The following PTPRF variants were observed in gnomAD, a reference collection of about 807,000 sequenced individuals.
The protein encoded by PTPRF is receptor-type tyrosine-protein phosphatase F.
A neutral mutation model predicts 201.8 loss-of-function variants in PTPRF; 59 were observed. The observed-to-expected ratio is 0.29, with a 90% confidence interval of 0.24 to 0.36. The LOEUF is 0.36. PTPRF is among the 10% of genes least tolerant of loss of function. The pLI, the probability that PTPRF is intolerant of heterozygous loss-of-function variation, is 1.00. For synonymous variants in PTPRF, 1,088 were observed against 1,089.7 expected, an observed-to-expected ratio of 1.00 and a Z score of 0.03; for missense variants, 2,132 against 2,690.5, an observed-to-expected ratio of 0.79 and a Z score of 4.59.
At position 43,609,404 on chromosome 1, in the gene PTPRF, C is replaced by T. The variant is rs1216125646; in HGVS notation, c.3879C>T (p.Ser1293=). Residue 1293 remains serine, a synonymous_variant, in exon 22 of 34, where the codon TCC becomes TCT. Transcript: ENST00000359947. ...CTAGGAAAAGGACCCACTCTCCGTC[C>T]TCTAAGGATGAGCAGTCGATCGGAC... The part of the protein sequence containing the change: ...LFKRKRTHSP[S]SKDEQSIGLK... 4 of 1,613,964 alleles carry T rather than the reference C, an allele frequency of 2.5e-6. No homozygotes were observed. The highest frequency in any genetic ancestry group is 3.4e-6 in the Non-Finnish European group (4 of 1,179,982).
intron 22 of PTPRF, chr1:43,613,257 C>G: frequency 3.0e-6 from 1 of 328,476 alleles, no homozygotes; most frequent in South Asian, 2.7e-5. Flanking sequence ...TGTCTGCAGG[C>G]AGATGCGATG....
At chr1:43,621,275 G>A (rs375643576) in intron 33 of PTPRF, 43 bp downstream of exon 33, 11 of 1,604,864 alleles carry the variant, frequency 6.9e-6, no homozygotes, top group East Asian at 4.5e-5. Flanking sequence ...TGGCAGCAGC[G>A]CTGCTGGGAA....
At position 43,569,601 on chromosome 1, in the gene PTPRF, C is replaced by T; in HGVS notation, c.391C>T (p.Pro131Ser). ...KLSVLEEEQL[P>S]PGFPSIDMGP... is the part of the protein sequence containing the mutation. ...CTGTTTGTCTGCAGAGGAACAGCTG[C>T]CCCCTGGGTTCCCTTCCATCGACAT... is the stretch of plus-strand genomic sequence containing the variant. Residue 131 changes from proline to serine, a missense_variant, in exon 6 of 34, where the codon CCC becomes TCC. Physicochemically the swap from Pro to Ser is moderately conservative, Grantham distance 74 (BLOSUM62 -1). This residue lies in a region of PTPRF where 297 missense variants were observed against 454.0 expected (regional missense o/e 0.65). Coordinates refer to ENST00000359947, the MANE Select transcript of PTPRF (RefSeq NM_002840.5). 7 of 1,605,612 alleles carry T rather than the reference C, an allele frequency of 4.4e-6. No individual in the cohort carries two copies. Among genetic ancestry groups the T allele is most frequent in the Non-Finnish European group, 6.0e-6 (7 of 1,174,476 alleles).
intron 5 of PTPRF, among the ~76,000 whole-genome samples, chr1:43,560,277 G>A (rs893450376): frequency 7.3e-5 from 11 of 151,448 alleles, no homozygotes; most frequent in Middle Eastern, 3.4e-3. Flanking sequence ...ATGCGCACAC[G>A]CAACAGGCAC....
chr1:43,597,739 C>A lies in PTPRF; in HGVS notation c.1814-9C>A. The A allele has an allele frequency of 3.5e-6, 4 of 1,141,066 alleles. No individual in the cohort carries two copies. The highest frequency in any genetic ancestry group is 3.7e-6 in the Non-Finnish European group (3 of 806,230). The allele number at this position is 1,141,066 out of a possible 1,614,324, so 70.7% of individuals were successfully genotyped here. ...ATCTGCTTGCTTCCCCCCCATTTGT[C>A]TTCCCCAGCCCCCTCCGCCCCTCCC... On this transcript the variant is annotated splice_polypyrimidine_tract_variant and intron_variant, in intron 11 of 33. Coordinates refer to ENST00000359947, the MANE Select transcript of PTPRF (RefSeq NM_002840.5).
intron 11 of PTPRF, among the ~76,000 whole-genome samples, chr1:43,593,405 A>C (rs1285752083): frequency 6.6e-6 from 1 of 151,780 alleles, no homozygotes; most frequent in African/African-American, 2.4e-5. Flanking sequence ...GTAGCCCCCC[A>C]GACAGTAGAC....
chr1:43,542,089 C>A lies in PTPRF; in HGVS notation c.-45-2942C>A, dbSNP rs1487312266. ...TCTCCCACCTTCTCCCCACAGGTGA[C>A]CCTGGGACCCTGGGACTCTGGGGGC... On this transcript the variant is annotated intron_variant, in intron 2 of 33. Transcript: ENST00000359947. The surrounding 1 kb of genome is among the most constrained non-coding windows in gnomAD (Gnocchi z 5.2). 6.6e-6 allele frequency among the ~76,000 whole-genome samples: 1 copy of A among 152,192 alleles called. No individual in the cohort carries two copies. Among genetic ancestry groups the A allele is most frequent in the Admixed American group, 6.5e-5 (1 of 15,282 alleles).
intron 2 of PTPRF, among the ~76,000 whole-genome samples, chr1:43,538,837 A>G (rs563327714): frequency 1.3e-5 from 2 of 152,284 alleles, no homozygotes; most frequent in South Asian, 4.1e-4. Context: ...GTCTGTTAGA[A>G]GCACAGAATG....
chr1:43,582,360 G>A (rs1647908701), intron 7 of PTPRF: 1 of 152,292 alleles, frequency 6.6e-6, no homozygotes, highest in Admixed American at 6.5e-5. Context: ...GTTGCCTGCA[G>A]CTCCACCCAC....
chr1:43,609,598 C>A, intron 22 of PTPRF, 100 bp downstream of exon 22: 1 of 797,826 alleles, frequency 1.3e-6, no homozygotes, highest in Non-Finnish European at 2.1e-6. Flanking sequence ...TCCTGGGCCG[C>A]ATGCACTTGT....
Position 43,543,696 on chromosome 1 carries a change from A to G in PTPRF, c.-45-1335A>G, listed in dbSNP as rs375546768. On this transcript the variant is annotated intron_variant, in intron 2 of 33. Transcript: ENST00000359947. ...ACTGGAGCACCTTTGAGCCCTGCCCATTCCTGGTCACCTGCCCTGTCACCT... is the reference window on the plus strand; with the variant it reads ...ACTGGAGCACCTTTGAGCCCTGCCCGTTCCTGGTCACCTGCCCTGTCACCT... Among the ~76,000 whole-genome samples, 19 of 152,176 alleles carry G rather than the reference A, an allele frequency of 1.2e-4. 1 individual carries two copies. The highest frequency in any genetic ancestry group is 2.1e-4 in the Non-Finnish European group (14 of 68,032).
chr1:43,571,618 T>G (rs946514824), intron 6 of PTPRF, among the ~76,000 whole-genome samples: 2 of 152,230 alleles, frequency 1.3e-5, no homozygotes, highest in Non-Finnish European at 2.9e-5. Context: ...GCTCTCAAAT[T>G]GGCCCCCTTC....
At position 43,537,977 on chromosome 1, in the gene PTPRF, C is replaced by T. The variant is rs527808133; in HGVS notation, c.-125-221C>T. On this transcript the variant is annotated intron_variant, in intron 1 of 33. Transcript: ENST00000359947. The surrounding 1 kb of genome is among the most constrained non-coding windows in gnomAD (Gnocchi z 4.8). ...ATATGGCTGGTGCCTGGAAGGACGC[C>T]CAGCACATAGTAGGTGCTTAGGGAG... 5.9e-5 allele frequency among the ~76,000 whole-genome samples: 9 copies of T among 152,076 alleles called. No homozygotes were observed. Among genetic ancestry groups the T allele is most frequent in the Non-Finnish European group, 1.3e-4 (9 of 67,984 alleles).
Position 43,621,984 on chromosome 1 carries a change from T to G in PTPRF, c.5705T>G (p.Phe1902Cys). ...YRAALEYLGS[F>C]DHYAT is the part of the protein sequence containing the mutation. ...GCGGCCCTGGAGTACCTCGGCAGCT[T>G]TGACCACTATGCAACGTAACTACCG... Residue 1902 changes from phenylalanine (F) to cysteine (C), a missense_variant, in exon 34 of 34, where the codon TTT becomes TGT. Physicochemically the swap from Phe to Cys is radical, Grantham distance 205. Around this residue, in one of 6 missense-constraint regions of PTPRF, gnomAD observed 519 missense variants for 659.5 expected, o/e 0.79. Coordinates refer to ENST00000359947, the MANE Select transcript of PTPRF (RefSeq NM_002840.5). 1.2e-6 allele frequency: 2 copies of G among 1,614,148 alleles called. No homozygotes were observed. The highest frequency in any genetic ancestry group is 1.7e-6 in the Non-Finnish European group (2 of 1,180,008).
At chr1:43,602,148 G>A (rs192614549) in intron 14 of PTPRF, 51 bp downstream of exon 14, 80 of 1,572,686 alleles carry the variant, frequency 5.1e-5, no homozygotes, top group Non-Finnish European at 6.2e-5. Context: ...AGCTGGGCTC[G>A]TGGGACGCTC....
chr1:43,603,450 C>A lies in PTPRF; in HGVS notation c.2375C>A (p.Thr792Asn). 3 of 1,614,190 alleles carry A rather than the reference C, an allele frequency of 1.9e-6. No individual in the cohort carries two copies. Among genetic ancestry groups the A allele is most frequent in the Non-Finnish European group, 2.5e-6 (3 of 1,180,032 alleles). The stretch of plus-strand genomic sequence containing the variant: ...ATCAGCGGCCTGACCCCGGAGACCA[C>A]CTACTCCGTTACTGTTGCTGCCTAT... ...TTISGLTPET[T>N]YSVTVAAYTT... is the part of the protein sequence containing the mutation. The change falls in exon 15 of 34, where the codon ACC becomes AAC. Residue 792 changes from threonine to asparagine, a missense_variant. Physicochemically the swap from Thr to Asn is moderately conservative, Grantham distance 65 (BLOSUM62 0). This residue lies in a region of PTPRF where 818 missense variants were observed against 915.3 expected (regional missense o/e 0.89). Transcript: ENST00000359947. This position sits in a 1 kb window ranked among gnomAD's most constrained non-coding sequence, Gnocchi z 5.8.
At chr1:43,571,494 T>C (rs1468936613) in intron 6 of PTPRF, among the ~76,000 whole-genome samples, 1 of 152,258 alleles carries the variant, frequency 6.6e-6, no homozygotes, top group African/African-American at 2.4e-5. Context: ...TGATCAGTGA[T>C]GAGTGATGAC....
At chr1:43,582,481 G>C (rs889087949) in intron 7 of PTPRF, 2 of 152,324 alleles carry the variant, frequency 1.3e-5, no homozygotes, top group Admixed American at 1.3e-4. Flanking sequence ...TGGGTGTACA[G>C]CTGCTGGGGC....
chr1:43,567,219 G>A (rs1646247117), intron 5 of PTPRF, among the ~76,000 whole-genome samples: 1 of 152,254 alleles, frequency 6.6e-6, no homozygotes, highest in East Asian at 1.9e-4. Flanking sequence ...GTCCCCAGGT[G>A]TTGGGGAGGT....
Sources: allele counts gnomAD v4.1 joint callset (sites outside exome capture counted in the v4.1 genomes callset), GRCh38; gene constraint gnomAD v4.1.1; regional missense constraint gnomAD v4.1.1; non-coding constraint Gnocchi (gnomAD v3.1); transcripts MANE v1.5; gene names NCBI Gene and HGNC (gene_info 2026-07-23, HGNC 2026-07-21).